Variants in MPPED2 observed in about 807,000 individuals in gnomAD.
MPPED2 encodes metallophosphoesterase domain containing 2, also known as metallophosphoesterase MPPED2.
MPPED2 carries 5 observed loss-of-function variants against 33.0 expected under a neutral mutation model. The observed-to-expected ratio is 0.15, with a 90% CI of 0.08 to 0.32. The LOEUF (loss-of-function observed/expected upper bound fraction) is 0.32, where lower values mean the gene tolerates loss of function less well. Ranked by LOEUF, MPPED2 falls within the 10% of genes least tolerant of loss-of-function variation. The pLI is 1.00. For missense variants in MPPED2, 275 were observed against 372.1 expected (o/e 0.74, Z 2.15); for synonymous variants, 136 against 141.9 (o/e 0.96, Z 0.29).
intron 4 of MPPED2, among the ~76,000 whole-genome samples, chr11:30,433,781 G>A (rs1324913728): frequency 6.6e-6 from 1 of 152,134 alleles, no homozygotes; most frequent in Non-Finnish European, 1.5e-5. Flanking sequence ...GGAAATCTAG[G>A]CTTACTCTAT....
At position 30,536,164 on chromosome 11, in the gene MPPED2, A is replaced by G; in HGVS notation, c.140T>C (p.Ile47Thr). Reference protein sequence around the residue: ...QPPHVHMVDPIPYDTPKPAGH... With the variant: ...QPPHVHMVDPTPYDTPKPAGH... Reference sequence around the variant, plus strand: ...CGCTGGTTTTGGAGTGTCATATGGGATGGGGTCGACCCTAAAGTAGACATA... The same window carrying G: ...CGCTGGTTTTGGAGTGTCATATGGGGTGGGGTCGACCCTAAAGTAGACATA... Residue 47 changes from isoleucine (I) to threonine (T), a missense_variant, in exon 3 of 7, where the codon ATC (isoleucine) becomes ACC (threonine). By Grantham distance (89) the Ile-to-Thr change is moderately conservative (BLOSUM62 -1). Coordinates refer to ENST00000358117, the MANE Select transcript of MPPED2 (RefSeq NM_001584.3). The G allele has an allele frequency of 6.2e-7, 1 of 1,603,804 alleles. No homozygotes were observed. Among genetic ancestry groups the G allele is most frequent in the Non-Finnish European group, 8.5e-7 (1 of 1,175,906 alleles).
chr11:30,554,067 C>T (rs1374969460), intron 2 of MPPED2, among the ~76,000 whole-genome samples: 1 of 152,136 alleles, frequency 6.6e-6, no homozygotes, highest in African/African-American at 2.4e-5. Flanking sequence ...TTGAGGCAGC[C>T]TGCCCAATTT....
chr11:30,504,793 T>G, intron 3 of MPPED2: 1 of 1,288,976 alleles, frequency 7.8e-7, no homozygotes, highest in Non-Finnish European at 1.0e-6. Flanking sequence ...CTGAAACTCA[T>G]GCATTAGGGT....
At chr11:30,491,498 C>T (rs1951979188) in intron 4 of MPPED2, among the ~76,000 whole-genome samples, 1 of 152,226 alleles carries the variant, frequency 6.6e-6, no homozygotes, top group Non-Finnish European at 1.5e-5. Context: ...GAAACATTAA[C>T]ACATCACTAT....
intron 4 of MPPED2, among the ~76,000 whole-genome samples, chr11:30,431,858 AG>A (rs1438679016): frequency 6.6e-6 from 1 of 152,202 alleles, no homozygotes; most frequent in Non-Finnish European, 1.5e-5. Flanking sequence ...CATAAAAGAC[AG>A]ACTGCATTTT....
chr11:30,488,789 G>A (rs1431207301), intron 4 of MPPED2, among the ~76,000 whole-genome samples: 4 of 152,146 alleles, frequency 2.6e-5, no homozygotes, highest in Non-Finnish European at 5.9e-5. Context: ...TGGGCCCTGT[G>A]CCAAGAAAAA....
chr11:30,408,191 T>G (rs963000828), downstream of MPPED2, among the ~76,000 whole-genome samples: 10 of 152,236 alleles, frequency 6.6e-5, no homozygotes, highest in African/African-American at 2.4e-4. Context: ...TCTTATCCCC[T>G]GTGCTGTGCT....
In MPPED2 at chr11:30,386,689, A is replaced by C. The variant is rs187755038; in HGVS notation, c.*2200T>G. On this transcript the variant is annotated 3_prime_UTR_variant, in exon 7 of 7. Coordinates refer to the MPPED2 transcript ENST00000448418. ...AATGAATGAACAGAACTCAAATCAGATGAACTTCAGTAACTCTTGTCGCTG... is the reference window on the plus strand; with the variant it reads ...AATGAATGAACAGAACTCAAATCAGCTGAACTTCAGTAACTCTTGTCGCTG... The C allele has an allele frequency of 5.4e-4, 216 of 398,446 alleles. 1 individual carries two copies. In the East Asian group the frequency reaches 7.1e-3, roughly 13 times the overall value. 24.7% of individuals were successfully genotyped at this position (398,446 alleles called of 1,614,324 possible).
At chr11:30,545,126 C>T (rs1479551698) in intron 2 of MPPED2, among the ~76,000 whole-genome samples, 1 of 152,080 alleles carries the variant, frequency 6.6e-6, no homozygotes, top group Non-Finnish European at 1.5e-5. Context: ...GGGCTTGAAC[C>T]TGGAGGGCAT....
chr11:30,476,148 A>T (rs1044088493), intron 4 of MPPED2, among the ~76,000 whole-genome samples: 3 of 152,004 alleles, frequency 2.0e-5, no homozygotes, highest in Non-Finnish European at 4.4e-5. Flanking sequence ...ATAGAGATTT[A>T]CATAATATCC....
chr11:30,466,071 C>G (rs936474852), intron 4 of MPPED2, among the ~76,000 whole-genome samples: 6 of 152,164 alleles, frequency 3.9e-5, no homozygotes, highest in African/African-American at 1.4e-4. Flanking sequence ...TTGGCCTGTT[C>G]CTTGCTAGAA....
chr11:30,501,528 C>T, intron 3 of MPPED2: 11 of 619,786 alleles, frequency 1.8e-5, no homozygotes, highest in Non-Finnish European at 2.2e-5. Flanking sequence ...CTTCTCTCAT[C>T]CAGATATCTC....
At chr11:30,535,957 G>C in intron 3 of MPPED2, 37 bp downstream of exon 3, 3 of 1,545,460 alleles carry the variant, frequency 1.9e-6, no homozygotes, top group Non-Finnish European at 2.6e-6. Flanking sequence ...GGACGGGAAA[G>C]GTTAATTGGG....
At chr11:30,557,615 C>A (rs188041001) in intron 2 of MPPED2, among the ~76,000 whole-genome samples, 3 of 152,250 alleles carry the variant, frequency 2.0e-5, no homozygotes, top group Admixed American at 1.3e-4. Flanking sequence ...GGCTAAATAA[C>A]CAATCAATAA....
At position 30,586,063 on chromosome 11, in the gene MPPED2, A is replaced by G. The variant is rs1281942464; in HGVS notation, c.-143T>C. ...TTACCTTTCCCGGGCTGCGCTCCGG[A>G]TCCCGGGGATGCCTTCAGCGCCCGG... On this transcript the variant is annotated 5_prime_UTR_variant, in exon 1 of 7. Coordinates refer to ENST00000358117, the MANE Select transcript of MPPED2 (RefSeq NM_001584.3). The surrounding 1 kb of genome is among the most constrained non-coding windows in gnomAD (Gnocchi z 4.8). 2.0e-5 allele frequency: 3 copies of G among 152,070 alleles called. No homozygotes were observed. The highest frequency in any genetic ancestry group is 4.4e-5 in the Non-Finnish European group (3 of 68,038). 9.4% of individuals were successfully genotyped at this position (152,070 alleles called of 1,614,324 possible). A position where few individuals can be genotyped will look rare whatever the true frequency, so the allele number is the denominator to read the frequency against.
chr11:30,388,388 C>A (rs943406685), exon 7 of MPPED2: 1 of 152,832 alleles, frequency 6.5e-6, no homozygotes, highest in African/African-American at 2.4e-5. Context: ...GGGCCAGCCG[C>A]TCTCCCACAG....
chr11:30,422,954 T>C (rs908641718), intron 4 of MPPED2, among the ~76,000 whole-genome samples: 7 of 152,194 alleles, frequency 4.6e-5, no homozygotes, highest in Non-Finnish European at 1.0e-4. Context: ...TTGTAAGCAC[T>C]TGGCCTCCCT....
intron 3 of MPPED2, among the ~76,000 whole-genome samples, chr11:30,496,110 G>A (rs371867690): frequency 6.6e-6 from 1 of 152,134 alleles, no homozygotes; most frequent in African/African-American, 2.4e-5. Flanking sequence ...CTGATTAGAA[G>A]GCTAACTTTC....
At chr11:30,556,742 C>T (rs1955980394) in intron 2 of MPPED2, among the ~76,000 whole-genome samples, 1 of 152,148 alleles carries the variant, frequency 6.6e-6, no homozygotes, top group African/African-American at 2.4e-5. Flanking sequence ...TAACACTTGG[C>T]TTGGTACACA....
Sources: allele counts gnomAD v4.1 joint callset (sites outside exome capture counted in the v4.1 genomes callset), GRCh38; gene constraint gnomAD v4.1.1; non-coding constraint Gnocchi (gnomAD v3.1); transcripts MANE v1.5; gene names NCBI Gene and HGNC (gene_info 2026-07-23, HGNC 2026-07-21).